The following ADCY1 variants were observed in gnomAD, a reference collection of about 807,000 sequenced individuals.
ADCY1 encodes the protein adenylate cyclase 1.
In ADCY1, 28 loss-of-function variants were observed where a neutral mutation model predicts 105.4. The ratio of observed to expected loss-of-function variants is 0.27; its 90% CI spans 0.20 to 0.36. The LOEUF (loss-of-function observed/expected upper bound fraction) is 0.36. ADCY1 is among the 10% of genes least tolerant of loss of function. The pLI, the probability that ADCY1 is intolerant of heterozygous loss-of-function variation, is 1.00. For missense variants in ADCY1, 977 were observed against 1,434.2 expected, an observed-to-expected ratio of 0.68 and a Z score of 5.15; for synonymous variants, 655 against 623.8, an observed-to-expected ratio of 1.05 and a Z score of -0.75.
intron 8 of ADCY1, among the ~76,000 whole-genome samples, chr7:45,668,524 G>A (rs1483748878): frequency 2.6e-5 from 4 of 152,122 alleles, no homozygotes; most frequent in Admixed American, 6.5e-5. Flanking sequence ...TGCTGGATTC[G>A]GTTTGCCAGT....
chr7:45,585,439 CTTTTT>C (rs56193100), intron 1 of ADCY1, among the ~76,000 whole-genome samples: 1 of 121,120 alleles, frequency 8.3e-6, no homozygotes. Context: ...GTGGGTACAT[CTTTTT>C]TTTTTTTTTT....
chr7:45,699,213 T>C (rs1466979618), intron 14 of ADCY1, among the ~76,000 whole-genome samples: 2 of 152,078 alleles, frequency 1.3e-5, no homozygotes, highest in Non-Finnish European at 2.9e-5. Context: ...GAAAGTAGGA[T>C]GTAGGGTGAG....
chr7:45,605,632 A>G (rs1793353555), intron 2 of ADCY1, among the ~76,000 whole-genome samples: 2 of 152,166 alleles, frequency 1.3e-5, no homozygotes, highest in Non-Finnish European at 1.5e-5. Flanking sequence ...AATTAGCATT[A>G]CATCCCTGGA....
At chr7:45,655,850 A>G (rs1430767108) in intron 5 of ADCY1, among the ~76,000 whole-genome samples, 1 of 152,150 alleles carries the variant, frequency 6.6e-6, no homozygotes, top group East Asian at 1.9e-4. Context: ...ACAGTGCACA[A>G]AAACGTTATT....
chr7:45,594,435 C>G (rs938888159), intron 2 of ADCY1, among the ~76,000 whole-genome samples: 1 of 152,310 alleles, frequency 6.6e-6, no homozygotes, highest in African/African-American at 2.4e-5. Flanking sequence ...CTGTTCTCCC[C>G]TTAACTACAT....
chr7:45,685,612 G>A (rs1197340772), intron 12 of ADCY1, among the ~76,000 whole-genome samples: 1 of 150,782 alleles, frequency 6.6e-6, no homozygotes. Context: ...AGAGCTGGGT[G>A]CATGATTAAC....
chr7:45,678,376 G>A (rs956646184), intron 10 of ADCY1, 113 bp downstream of exon 10: 31 of 976,820 alleles, frequency 3.2e-5, no homozygotes, highest in Admixed American at 9.2e-5. Flanking sequence ...CTCAAGCTTC[G>A]TCTCCCACAG....
At position 45,722,547 on chromosome 7, in the gene ADCY1, A is replaced by C. The variant is rs1264499040; in HGVS notation, c.*8552A>C. ...CCATCCTCATTTATACTGATTGCAC[A>C]CCCCCCGCTCAAACAACAATGTCCT... On this transcript the variant is annotated 3_prime_UTR_variant, in exon 20 of 20. Transcript: ENST00000297323. 6.6e-6 allele frequency: 1 copy of C among 150,752 alleles called. No homozygotes were observed. The highest frequency in any genetic ancestry group is 2.4e-5 in the African/African-American group (1 of 40,882). The allele number at this position is 150,752 out of a possible 1,614,324, so 9.3% of individuals were successfully genotyped here. A position where few individuals can be genotyped will look rare whatever the true frequency, so the allele number is the denominator to read the frequency against.
intron 1 of ADCY1, among the ~76,000 whole-genome samples, chr7:45,589,401 G>A (rs1242672148): frequency 2.0e-5 from 3 of 152,190 alleles, no homozygotes; most frequent in Non-Finnish European, 4.4e-5. Flanking sequence ...CTGTCCCCCA[G>A]GCCCCTGCAG....
At chr7:45,609,463 C>T (rs925241879) in intron 2 of ADCY1, among the ~76,000 whole-genome samples, 2 of 152,192 alleles carry the variant, frequency 1.3e-5, no homozygotes, top group African/African-American at 2.4e-5. Context: ...AGCCAGAGGG[C>T]GCGGTGGGAG....
At chr7:45,648,585 AGTGT>A (rs1321339012) in intron 4 of ADCY1, 81 bp from the exon 5 acceptor site, 2 of 1,568,630 alleles carry the variant, frequency 1.3e-6, no homozygotes, top group East Asian at 4.5e-5. Flanking sequence ...TGTGGCCACC[AGTGT>A]CTAGAGGTGG....
At chr7:45,713,252 A>G (rs201532531) in intron 19 of ADCY1, among the ~76,000 whole-genome samples, 5 of 152,196 alleles carry the variant, frequency 3.3e-5, no homozygotes, top group Non-Finnish European at 7.3e-5. Context: ...TGGGTCCCAC[A>G]CAGCCTCTGG....
At chr7:45,611,182 C>T (rs1179347719) in intron 3 of ADCY1, among the ~76,000 whole-genome samples, 1 of 137,076 alleles carries the variant, frequency 7.3e-6, no homozygotes, top group Admixed American at 7.5e-5. Context: ...GGTGATGGTG[C>T]AGGTGGGGAG....
intron 2 of ADCY1, 89 bp downstream of exon 2, chr7:45,592,997 C>T (rs1446252167): frequency 2.2e-5 from 34 of 1,536,866 alleles, no homozygotes; most frequent in Non-Finnish European, 2.6e-5. Context: ...CAGTTTACCC[C>T]GTGGTGACAT....
intron 17 of ADCY1, among the ~76,000 whole-genome samples, chr7:45,707,748 T>C (rs1213450751): frequency 6.6e-6 from 1 of 152,182 alleles, no homozygotes; most frequent in South Asian, 2.1e-4. Flanking sequence ...TAGGCGAAAC[T>C]GTGGGGAGAA....
chr7:45,675,324 C>A (rs1273882228), intron 8 of ADCY1, among the ~76,000 whole-genome samples: 3 of 152,030 alleles, frequency 2.0e-5, no homozygotes, highest in Non-Finnish European at 4.4e-5. Context: ...TTATCCTTCC[C>A]CATTTATAAC....
At chr7:45,663,638 A>G (rs1261194035) in intron 8 of ADCY1, among the ~76,000 whole-genome samples, 3 of 152,038 alleles carry the variant, frequency 2.0e-5, no homozygotes, top group Admixed American at 2.0e-4. Flanking sequence ...GACCAACATG[A>G]TGAAACCCCA....
Position 45,703,250 on chromosome 7 carries a change from A to C in ADCY1, c.2455-126A>C, listed in dbSNP as rs1184269368. On this transcript the variant is annotated intron_variant, in intron 14 of 19. Coordinates refer to ENST00000297323, the MANE Select transcript of ADCY1 (RefSeq NM_021116.4). The surrounding 1 kb of genome is among the most constrained non-coding windows in gnomAD (Gnocchi z 5.9). ...CTTGCATCTAGTGGGGAGGAGGGAC[A>C]GGAGCGTGGATGTAGACCATCAGCA... The C allele has an allele frequency of 1.4e-5, 12 of 831,396 alleles. No individual in the cohort carries two copies. In the South Asian group the frequency reaches 1.8e-4, roughly 12 times the overall value. The allele number at this position is 831,396 out of a possible 1,614,324, so 51.5% of individuals were successfully genotyped here.
chr7:45,700,367 G>A (rs762368096), intron 14 of ADCY1, among the ~76,000 whole-genome samples: 1 of 152,188 alleles, frequency 6.6e-6, no homozygotes, highest in Non-Finnish European at 1.5e-5. Flanking sequence ...AAAACCAAGT[G>A]TCAAAGAAGC....
Sources: gnomAD v4.1 joint callset for allele counts (sites outside exome capture counted in the v4.1 genomes callset) on GRCh38, gnomAD v4.1.1 for gene constraint, Gnocchi (gnomAD v3.1) non-coding constraint, MANE v1.5 for transcripts, NCBI Gene and HGNC (gene_info 2026-07-23, HGNC 2026-07-21) for gene names.